The following COBL variants were observed in gnomAD, a reference collection of about 807,000 sequenced individuals.
COBL encodes protein cordon-bleu.
A neutral mutation model predicts 98.8 loss-of-function variants in COBL; 51 were observed. The observed-to-expected ratio is 0.52, with a 90% CI of 0.41 to 0.65. The LOEUF (loss-of-function observed/expected upper bound fraction) is 0.65. COBL is among the 30% of genes least tolerant of loss of function. The pLI, the probability that COBL is intolerant of heterozygous loss-of-function variation, is 0.00. For missense variants in COBL, 1,617 were observed against 1,617.5 expected (o/e 1.00, Z 0.01); for synonymous variants, 634 against 651.7 (o/e 0.97, Z 0.41).
At chr7:51,091,954 T>A (rs1384079094) in intron 6 of COBL, among the ~76,000 whole-genome samples, 1 of 152,206 alleles carries the variant, frequency 6.6e-6, no homozygotes. Context: ...GAATAGTTTA[T>A]CTCAGGGGTT....
At chr7:51,057,587 T>C (rs1027544210) in intron 7 of COBL, among the ~76,000 whole-genome samples, 1 of 152,144 alleles carries the variant, frequency 6.6e-6, no homozygotes, top group African/African-American at 2.4e-5. Context: ...GCCCATCATT[T>C]TGGGAAACTA....
At chr7:51,302,788 T>C (rs1802101893) in intron 1 of COBL, among the ~76,000 whole-genome samples, 1 of 152,186 alleles carries the variant, frequency 6.6e-6, no homozygotes, top group African/African-American at 2.4e-5. Context: ...TTGAAAATAC[T>C]GGAACTTAAC....
At chr7:51,170,878 T>C (rs934970179) in intron 5 of COBL, among the ~76,000 whole-genome samples, 3 of 152,054 alleles carry the variant, frequency 2.0e-5, no homozygotes, top group African/African-American at 7.2e-5. Flanking sequence ...AATAATGTAT[T>C]ACACATTTCA....
At chr7:51,291,883 A>G (rs978905931) in intron 1 of COBL, among the ~76,000 whole-genome samples, 1 of 152,178 alleles carries the variant, frequency 6.6e-6, no homozygotes, top group Non-Finnish European at 1.5e-5. Context: ...AAGTGGGGCC[A>G]GGCACAGTGG....
intron 1 of COBL, among the ~76,000 whole-genome samples, chr7:51,242,772 C>T (rs931241649): frequency 6.6e-6 from 1 of 152,200 alleles, no homozygotes; most frequent in Non-Finnish European, 1.5e-5. Context: ...GGAGACAGAG[C>T]TGAACCCGAC....
In COBL at chr7:51,181,403, C is replaced by A. The variant is rs1308553127; in HGVS notation, c.783+2699G>T. Among the ~76,000 whole-genome samples the A allele has an allele frequency of 7.2e-5, 11 of 152,216 alleles. No homozygotes were observed. The East Asian group carries it at 2.1e-3, about 29-fold the overall frequency. On this transcript the variant is annotated intron_variant, in intron 5 of 12. Transcript: ENST00000265136. ...CTGTAACACTGAGTGAATTTTTTGC[C>A]AAGTAGCTACAAAATGCCATACACT...
At chr7:51,075,937 C>T (rs1182642796) in intron 7 of COBL, among the ~76,000 whole-genome samples, 1 of 152,186 alleles carries the variant, frequency 6.6e-6, no homozygotes, top group Non-Finnish European at 1.5e-5. Context: ...TGAGTAGGGA[C>T]AGATTCTGCT....
chr7:51,296,541 C>A (rs186841642), intron 1 of COBL, among the ~76,000 whole-genome samples: 246 of 152,158 alleles, frequency 1.6e-3, no homozygotes, highest in African/African-American at 5.7e-3. Flanking sequence ...TTAAATATTT[C>A]ATTTCTTTTT....
rs553022999 is a variant in COBL at position 51,215,537 on chromosome 7, A to C, written c.245+4204T>G. ...AGACTCACTTCTAGCTCAGGTTACCAAAGTGGGCTCTGGCTCACAGGAATT... is the reference window on the plus strand; with the variant it reads ...AGACTCACTTCTAGCTCAGGTTACCCAAGTGGGCTCTGGCTCACAGGAATT... On this transcript the variant is annotated intron_variant, in intron 2 of 12. Coordinates refer to ENST00000265136, the MANE Select transcript of COBL (RefSeq NM_015198.5). Among the ~76,000 whole-genome samples, 6 of 152,354 alleles carry C rather than the reference A, an allele frequency of 3.9e-5. No individual in the cohort carries two copies. The East Asian group carries it at 1.2e-3, about 29-fold the overall frequency.
intron 1 of COBL, among the ~76,000 whole-genome samples, chr7:51,287,136 G>T (rs1240707110): frequency 6.6e-6 from 1 of 152,038 alleles, no homozygotes; most frequent in Non-Finnish European, 1.5e-5. Flanking sequence ...AGGAGCATGG[G>T]TACCACACTC....
At chr7:51,178,690 C>A (rs1788647485) in intron 5 of COBL, among the ~76,000 whole-genome samples, 1 of 152,194 alleles carries the variant, frequency 6.6e-6, no homozygotes, top group South Asian at 2.1e-4. Context: ...CTCACTGCAA[C>A]CTCCGCCCCC....
In COBL at chr7:51,029,435, G is replaced by C; in HGVS notation, c.1661C>G (p.Ser554Trp). The change falls in exon 10 of 13, where the codon TCG becomes TGG. Residue 554 changes from serine to tryptophan, a missense_variant. Ser to Trp is a radical substitution (Grantham distance 177). Around this residue, in one of 3 missense-constraint regions of COBL, gnomAD observed 1,304 missense variants for 1,282.0 expected, o/e 1.02. Coordinates refer to ENST00000265136, the MANE Select transcript of COBL (RefSeq NM_015198.5). ...IGEVSDDPVD[S>W]GLFSNRNNNA... ...GTTGTTTCTATTGGAAAACAACCCC[G>C]AATCCACAGGATCATCTGAAACTTC... 6.2e-7 allele frequency: 1 copy of C among 1,614,154 alleles called. No homozygotes were observed. Among genetic ancestry groups the C allele is most frequent in the East Asian group, 2.2e-5 (1 of 44,878 alleles).
At chr7:51,309,854 T>A (rs1350637413) in intron 1 of COBL, among the ~76,000 whole-genome samples, 1 of 152,112 alleles carries the variant, frequency 6.6e-6, no homozygotes, top group Non-Finnish European at 1.5e-5. Flanking sequence ...AAAGGGACAA[T>A]CATAATCCCA....
chr7:51,082,601 T>C (rs934463622), intron 7 of COBL, among the ~76,000 whole-genome samples: 6 of 152,198 alleles, frequency 3.9e-5, no homozygotes, highest in Non-Finnish European at 8.8e-5. Flanking sequence ...GCAGTGCTCA[T>C]GCTTGGCCGC....
intron 1 of COBL, among the ~76,000 whole-genome samples, chr7:51,282,954 T>C (rs1219931094): frequency 1.3e-5 from 2 of 152,108 alleles, no homozygotes; most frequent in Admixed American, 1.3e-4. Context: ...ACAGAATGCA[T>C]GGAGAAAGAG....
intron 5 of COBL, among the ~76,000 whole-genome samples, chr7:51,159,191 G>T (rs1445363495): frequency 6.6e-6 from 1 of 152,176 alleles, no homozygotes. Flanking sequence ...ACCGCAGGGC[G>T]CAAAGCAGGG....
chr7:51,271,049 C>G (rs1310717770), intron 1 of COBL, among the ~76,000 whole-genome samples: 1 of 152,196 alleles, frequency 6.6e-6, no homozygotes, highest in African/African-American at 2.4e-5. Flanking sequence ...TGCACAGGCC[C>G]TGCTACTCCC....
At chr7:51,241,578 A>AT (rs796776310) in intron 1 of COBL, among the ~76,000 whole-genome samples, 2 of 152,208 alleles carry the variant, frequency 1.3e-5, no homozygotes, top group South Asian at 4.1e-4. Context: ...GTTAATCTAT[A>AT]TTTTTTAAAA....
intron 1 of COBL, among the ~76,000 whole-genome samples, chr7:51,284,648 G>A (rs1399661599): frequency 1.3e-5 from 2 of 151,598 alleles, no homozygotes; most frequent in African/African-American, 4.8e-5. Context: ...CCAACATAGT[G>A]AAACCCCATC....
Sources: gnomAD v4.1 joint callset for allele counts (sites outside exome capture counted in the v4.1 genomes callset) on GRCh38, gnomAD v4.1.1 for gene constraint, gnomAD v4.1.1 regional missense constraint, MANE v1.5 for transcripts, NCBI Gene and HGNC (gene_info 2026-07-23, HGNC 2026-07-21) for gene names.